FHOD1: variants seen among roughly 807,000 people sequenced by gnomAD.
FHOD1 encodes formin homology 2 domain containing 1, also known as FH1/FH2 domain-containing protein 1.
Under a neutral mutation model 111.6 loss-of-function variants are expected in FHOD1, and 89 were observed. The observed-to-expected ratio is 0.80, with a 90% CI of 0.67 to 0.95. FHOD1 has a LOEUF of 0.95. FHOD1 is among the 40% of genes least tolerant of loss of function. The pLI, the probability that FHOD1 is intolerant of heterozygous loss-of-function variation, is 0.00. For missense variants in FHOD1, 1,446 were observed against 1,554.2 expected (o/e 0.93, Z 1.17); for synonymous variants, 618 against 639.0 (o/e 0.97, Z 0.50).
chr16:67,231,862 G>A lies in FHOD1; in HGVS notation c.2203-43C>T, dbSNP rs1456890518. The A allele has an allele frequency of 4.4e-6, 7 of 1,581,260 alleles. No homozygotes were observed. Among genetic ancestry groups the A allele is most frequent in the Admixed American group, 1.8e-5 (1 of 56,860 alleles). ...GCCTGACATGGCCCCCTCAATGCAG[G>A]CCTGAGGCCTGAGGCATTGGTCTTG... On this transcript the variant is annotated intron_variant, in intron 14 of 21. Transcript: ENST00000258201. This position sits in a 1 kb window ranked among gnomAD's most constrained non-coding sequence, Gnocchi z 4.3.
chr16:67,236,793 T>TG, intron 10 of FHOD1, 60 bp from the exon 11 acceptor site: 1 of 154,606 alleles, frequency 6.5e-6, no homozygotes, highest in Non-Finnish European at 8.0e-6. Flanking sequence ...GGCCTGTCAG[T>TG]GGGGTGGGGC....
rs1374863660 is a variant in FHOD1 at position 67,247,082 on chromosome 16, C to T, written c.201+128G>A. The stretch of plus-strand genomic sequence containing the variant: ...AGGCGGGGCAGAGTGGACCCTGGGA[C>T]CCCAGCCCAAGACTTTTCCGGAGAA... On this transcript the variant is annotated intron_variant, in intron 1 of 21. Coordinates refer to ENST00000258201, the MANE Select transcript of FHOD1 (RefSeq NM_013241.3). The T allele has an allele frequency of 2.7e-6, 3 of 1,131,022 alleles. No homozygotes were observed. The African/African-American group carries it at 4.8e-5, about 18-fold the overall frequency. The allele number at this position is 1,131,022 out of a possible 1,614,324, so 70.1% of individuals were successfully genotyped here. A position where few individuals can be genotyped will look rare whatever the true frequency, so the allele number is the denominator to read the frequency against.
In FHOD1 at chr16:67,232,169, A is replaced by G. The variant is rs1325682741; in HGVS notation, c.2072T>C (p.Met691Thr). The G allele has an allele frequency of 1.9e-6, 3 of 1,614,048 alleles. No homozygotes were observed. Among genetic ancestry groups the G allele is most frequent in the Admixed American group, 1.7e-5 (1 of 59,998 alleles). The part of the protein sequence containing the change: ...SKKAGEGRRT[M>T]TTVLDPKRSN... ...GCGCTTGGGGTCCAGCACTGTGGTCATTGTCCGGCGGCCCTCTCCAGCTTT... is the reference window on the plus strand; with the variant it reads ...GCGCTTGGGGTCCAGCACTGTGGTCGTTGTCCGGCGGCCCTCTCCAGCTTT... The change falls in exon 14 of 22, where the codon ATG (methionine) becomes ACG (threonine). Residue 691 changes from methionine to threonine, a missense_variant. Coordinates refer to ENST00000258201, the MANE Select transcript of FHOD1 (RefSeq NM_013241.3).
At chr16:67,239,869 GAC>G (rs1243748181) in intron 1 of FHOD1, among the ~76,000 whole-genome samples, 2 of 152,172 alleles carry the variant, frequency 1.3e-5, no homozygotes, top group African/African-American at 2.4e-5. Context: ...CATAGCACCT[GAC>G]ACACAGTAAG....
chr16:67,245,223 G>T (rs1256481996), intron 1 of FHOD1, among the ~76,000 whole-genome samples: 1 of 152,208 alleles, frequency 6.6e-6, no homozygotes, highest in Non-Finnish European at 1.5e-5. Context: ...AGGTACTCCA[G>T]GTGGGAGAAC....
At chr16:67,236,769 G>T (rs1262989057) in intron 10 of FHOD1, 36 bp from the exon 11 acceptor site, 30 of 1,198,422 alleles carry the variant, frequency 2.5e-5, no homozygotes, top group Non-Finnish European at 3.0e-5. Flanking sequence ...CGGGGCCTGA[G>T]AAGCTGGAGG....
chr16:67,229,594 C>T lies in FHOD1; in HGVS notation c.*42G>A, dbSNP rs373847429. On this transcript the variant is annotated 3_prime_UTR_variant, in exon 22 of 22. Transcript: ENST00000258201. Reference sequence around the variant, plus strand: ...CCTCCTCACTCTGTCATCTCCTGCACTGCAGTCCAGGGTCCAGATAGATTT... The same window carrying T: ...CCTCCTCACTCTGTCATCTCCTGCATTGCAGTCCAGGGTCCAGATAGATTT... The T allele has an allele frequency of 1.2e-3, 1,895 of 1,564,568 alleles. 5 individuals carry two copies. Among genetic ancestry groups the T allele is most frequent in the Non-Finnish European group, 1.5e-3 (1,700 of 1,134,882 alleles).
At chr16:67,233,408 C>G (rs978752972) in intron 13 of FHOD1, among the ~76,000 whole-genome samples, 3 of 151,656 alleles carry the variant, frequency 2.0e-5, no homozygotes, top group African/African-American at 7.3e-5. Flanking sequence ...GAGATAATGT[C>G]TCACTATGTT....
rs2034198366 is a variant in FHOD1 at position 67,230,192 on chromosome 16, T to C, written c.3088A>G (p.Ser1030Gly). Residue 1030 changes from serine (S) to glycine (G), a missense_variant, in exon 20 of 22, where the codon AGC (serine) becomes GGC (glycine). Physicochemically the swap from Ser to Gly is moderately conservative, Grantham distance 56 (BLOSUM62 0). This residue lies in a region of FHOD1 where 1,085 missense variants were observed against 1,108.8 expected (regional missense o/e 0.98). Transcript: ENST00000258201. ...KFSGVAGEAP[S>G]NPSVPVAVSS... The stretch of plus-strand genomic sequence containing the variant: ...ACTGCTACTGGGACAGAGGGGTTGC[T>C]GGGGGCTTCCCCAGCCACACCTGAG... 6.2e-7 allele frequency: 1 copy of C among 1,613,806 alleles called. No homozygotes were observed. The highest frequency in any genetic ancestry group is 1.3e-5 in the African/African-American group (1 of 74,924).
At chr16:67,230,550 G>T (rs1327143775) in intron 18 of FHOD1, 44 bp from the exon 19 acceptor site, 18 of 1,613,314 alleles carry the variant, frequency 1.1e-5, no homozygotes, top group Non-Finnish European at 1.5e-5. Flanking sequence ...CCTGCTTATT[G>T]TCTGAGGGAG....
Position 67,229,693 on chromosome 16 carries a change from G to A in FHOD1, c.3438C>T (p.Leu1146=), listed in dbSNP as rs1348721843. ...CCAGTGCCTGCACCAGGTCATCTCC[G>A]AGCCCACTCTTCAACGTCCTTCTCA... ...KSLRRTLKSG[L]GDDLVQALGL... The change falls in exon 22 of 22, where the codon CTC becomes CTT. Residue 1146 remains leucine (L), a synonymous_variant. Coordinates refer to ENST00000258201, the MANE Select transcript of FHOD1 (RefSeq NM_013241.3). 8.7e-6 allele frequency: 14 copies of A among 1,614,082 alleles called. No individual in the cohort carries two copies. The highest frequency in any genetic ancestry group is 2.2e-5 in the East Asian group (1 of 44,884).
chr16:67,237,821 G>C lies in FHOD1; in HGVS notation c.643-53C>G. 1 of 1,530,808 alleles carries C rather than the reference G, an allele frequency of 6.5e-7. No individual in the cohort carries two copies. The highest frequency in any genetic ancestry group is 2.3e-5 in the East Asian group (1 of 44,332). 94.8% of individuals were successfully genotyped at this position (1,530,808 alleles called of 1,614,324 possible). ...TGGGGCTTAGGCCAGACCTGTGCCA[G>C]CTGTTGCTGGGGAAGGGGAAGGGCT... On this transcript the variant is annotated intron_variant, in intron 6 of 21. Transcript: ENST00000258201. The surrounding 1 kb of genome is among the most constrained non-coding windows in gnomAD (Gnocchi z 5.6).
chr16:67,232,738 G>A (rs372284876), intron 13 of FHOD1, among the ~76,000 whole-genome samples: 3 of 152,066 alleles, frequency 2.0e-5, no homozygotes, highest in African/African-American at 4.8e-5. Flanking sequence ...ATCGCCCACT[G>A]CAGCTTATCT....
Position 67,230,332 on chromosome 16 carries a change from C to T in FHOD1, c.3033G>A (p.Arg1011=). The T allele has an allele frequency of 6.2e-7, 1 of 1,614,242 alleles. No individual in the cohort carries two copies. The change falls in exon 19 of 22, where the codon CGG becomes CGA. Residue 1011 remains arginine (R), a synonymous_variant. Coordinates refer to ENST00000258201, the MANE Select transcript of FHOD1 (RefSeq NM_013241.3). ...CACCCACCTCGGTGATCATGCGTCC[C>T]CGGGTCTTGTTGCGCTCACGGTATG... The part of the protein sequence containing the change: ...QATYRERNKT[R]GRMITETEKF...
chr16:67,232,131 T>C lies in FHOD1; in HGVS notation c.2110A>G (p.Asn704Asp), dbSNP rs919044428. Residue 704 changes from asparagine (N) to aspartate (D), a missense_variant, in exon 14 of 22, where the codon AAC becomes GAC. This residue lies in a region of FHOD1 where 1,085 missense variants were observed against 1,108.8 expected (regional missense o/e 0.98). Transcript: ENST00000258201. ...VLDPKRSNAI[N>D]IGLTTLPPVH... is the part of the protein sequence containing the mutation. ...GGTGGCAGTGTGGTTAGGCCGATGT[T>C]GATGGCGTTGCTGCGCTTGGGGTCC... 8 of 1,614,070 alleles carry C rather than the reference T, an allele frequency of 5.0e-6. No homozygotes were observed. The highest frequency in any genetic ancestry group is 6.8e-6 in the Non-Finnish European group (8 of 1,180,032).
intron 11 of FHOD1, chr16:67,236,265 A>G: frequency 1.2e-6 from 1 of 819,002 alleles, no homozygotes. Flanking sequence ...TGGAAGAGAC[A>G]GAGGCAGCAG....
In FHOD1 at chr16:67,233,856, T is replaced by A. The variant is rs746821300; in HGVS notation, c.1847A>T (p.Asp616Val). Reference sequence around the variant, plus strand: ...CCTCTTAGTGGGGAGGGCTGAGCTGTCAGGCACTGAATGGGGAAGAGGGGC... The same window carrying A: ...CCTCTTAGTGGGGAGGGCTGAGCTGACAGGCACTGAATGGGGAAGAGGGGC... ...LAAPLPHSVP[D>V]SSALPTKRKT... Residue 616 changes from aspartate to valine, a missense_variant, in exon 13 of 22, where the codon GAC becomes GTC. Transcript: ENST00000258201. 24 of 1,604,108 alleles carry A rather than the reference T, an allele frequency of 1.5e-5. No homozygotes were observed. Among genetic ancestry groups the A allele is most frequent in the Non-Finnish European group, 2.0e-5 (24 of 1,175,608 alleles).
At chr16:67,232,539 AAAG>A in intron 13 of FHOD1, among the ~76,000 whole-genome samples, 1 of 151,616 alleles carries the variant, frequency 6.6e-6, no homozygotes, top group East Asian at 1.9e-4. Flanking sequence ...AAAAAAAAAA[AAAG>A]ACTGAGGAAG....
In FHOD1 at chr16:67,230,387, C is replaced by T. The variant is rs1338388632; in HGVS notation, c.2978G>A (p.Arg993Gln). 10 of 1,614,124 alleles carry T rather than the reference C, an allele frequency of 6.2e-6. No homozygotes were observed. The highest frequency in any genetic ancestry group is 4.5e-5 in the East Asian group (2 of 44,902). The change falls in exon 19 of 22, where the codon CGA becomes CAA. Residue 993 changes from arginine (R) to glutamine (Q), a missense_variant. Arg to Gln is a conservative substitution (Grantham distance 43). Coordinates refer to ENST00000258201, the MANE Select transcript of FHOD1 (RefSeq NM_013241.3). ...FALEYRTCRERVLQQQQKQAT... is the reference protein window; with the variant it reads ...FALEYRTCREQVLQQQQKQAT... ...CTGCTTCTGCTGCTGCTGTAGCACT[C>T]GTTCCCGGCAAGTCCGATACTCAAG...
Sources: allele counts gnomAD v4.1 joint callset (sites outside exome capture counted in the v4.1 genomes callset), GRCh38; gene constraint gnomAD v4.1.1; regional missense constraint gnomAD v4.1.1; non-coding constraint Gnocchi (gnomAD v3.1); transcripts MANE v1.5; gene names NCBI Gene and HGNC (gene_info 2026-07-23, HGNC 2026-07-21).